Variants in RETREG1 observed in about 807,000 individuals in gnomAD.
RETREG1 encodes family with sequence similarity 134 member B.
Under a neutral mutation model 54.8 loss-of-function variants are expected in RETREG1, and 44 were observed. That is an observed-to-expected ratio of 0.80 (90% confidence interval 0.63 to 1.03). The LOEUF (loss-of-function observed/expected upper bound fraction) is 1.03, where lower values mean the gene tolerates loss of function less well. RETREG1 is among the 50% of genes least tolerant of loss of function. RETREG1 has a pLI of 0.00. For synonymous variants in RETREG1, 217 were observed against 238.5 expected, an observed-to-expected ratio of 0.91 and a Z score of 0.83; for missense variants, 554 against 605.1, an observed-to-expected ratio of 0.92 and a Z score of 0.89.
intron 2 of RETREG1, among the ~76,000 whole-genome samples, chr5:16,571,371 A>T (rs1742168492): frequency 6.6e-6 from 1 of 152,142 alleles, no homozygotes. Flanking sequence ...GGGCTTAATT[A>T]TTCTCAGGAG....
intron 3 of RETREG1, among the ~76,000 whole-genome samples, chr5:16,548,766 C>G (rs1741454529): frequency 1.3e-5 from 2 of 152,206 alleles, no homozygotes. Flanking sequence ...TCTGGATTCT[C>G]TCCTTCTATA....
chr5:16,542,339 T>G (rs946123755), intron 3 of RETREG1, among the ~76,000 whole-genome samples: 6 of 152,364 alleles, frequency 3.9e-5, no homozygotes, highest in African/African-American at 1.4e-4. Context: ...GAGGGGAGGT[T>G]ACAGCATGTA....
intron 1 of RETREG1, among the ~76,000 whole-genome samples, chr5:16,578,312 A>G (rs1433082067): frequency 1.3e-5 from 2 of 152,270 alleles, no homozygotes; most frequent in East Asian, 3.8e-4. Context: ...TCTCTTGAAC[A>G]CGGTTACAAT....
At chr5:16,530,003 C>T (rs1317458425) in intron 3 of RETREG1, among the ~76,000 whole-genome samples, 3 of 152,180 alleles carry the variant, frequency 2.0e-5, no homozygotes, top group African/African-American at 7.2e-5. Flanking sequence ...TCTCCCAACC[C>T]CGGGAGGCCA....
At position 16,479,063 on chromosome 5, in the gene RETREG1, T is replaced by C. The variant is rs1738659198; in HGVS notation, c.671-76A>G. On this transcript the variant is annotated intron_variant, in intron 5 of 8. Transcript: ENST00000306320. ...ACGTACATTTCAGTATTTCACAAAA[T>C]ACTACATTTCTTTACTGAAAAACTT... is the stretch of plus-strand genomic sequence containing the variant. 7 of 1,406,690 alleles carry C rather than the reference T, an allele frequency of 5.0e-6. No homozygotes were observed. In the South Asian group the frequency reaches 6.1e-5, roughly 12 times the overall value. The allele number at this position is 1,406,690 out of a possible 1,614,324, so 87.1% of individuals were successfully genotyped here. A position where few individuals can be genotyped will look rare whatever the true frequency, so the allele number is the denominator to read the frequency against.
At chr5:16,509,823 C>G (rs1021357944) in intron 3 of RETREG1, among the ~76,000 whole-genome samples, 6 of 152,002 alleles carry the variant, frequency 3.9e-5, no homozygotes, top group African/African-American at 7.3e-5. Flanking sequence ...ACAATGAGAC[C>G]CCATCTCTAC....
chr5:16,533,202 A>G (rs750797529), intron 3 of RETREG1, among the ~76,000 whole-genome samples: 13 of 151,694 alleles, frequency 8.6e-5, no homozygotes, highest in Non-Finnish European at 1.8e-4. Context: ...CCGCCACCAC[A>G]CCCAGCTAAT....
intron 5 of RETREG1, among the ~76,000 whole-genome samples, 170 bp from the exon 6 acceptor site, chr5:16,479,157 C>T (rs1399480262): frequency 6.6e-6 from 1 of 151,944 alleles, no homozygotes; most frequent in African/African-American, 2.4e-5. Flanking sequence ...GTAAGGTAAA[C>T]ATTTTCTGCC....
At chr5:16,482,504 G>C (rs1488507788) in intron 4 of RETREG1, among the ~76,000 whole-genome samples, 8 of 150,858 alleles carry the variant, frequency 5.3e-5, no homozygotes, top group African/African-American at 1.9e-4. Flanking sequence ...ATGCAATACT[G>C]CCACTTTAAT....
At chr5:16,538,172 A>G (rs1048588999) in intron 3 of RETREG1, among the ~76,000 whole-genome samples, 1 of 152,134 alleles carries the variant, frequency 6.6e-6, no homozygotes, top group African/African-American at 2.4e-5. Flanking sequence ...CCCACCTGCC[A>G]CAGCTAAATC....
chr5:16,603,453 T>G (rs1743099955), intron 1 of RETREG1, among the ~76,000 whole-genome samples: 1 of 152,148 alleles, frequency 6.6e-6, no homozygotes, highest in Non-Finnish European at 1.5e-5. Flanking sequence ...GAGTCTAGGC[T>G]GGGGACAACC....
chr5:16,478,756 TA>T, intron 6 of RETREG1, 93 bp downstream of exon 6: 1 of 1,198,864 alleles, frequency 8.3e-7, no homozygotes. Context: ...AGTAAAAAGC[TA>T]AAAGTATCCT....
At chr5:16,607,460 A>T (rs539423507) in intron 1 of RETREG1, among the ~76,000 whole-genome samples, 14 of 152,180 alleles carry the variant, frequency 9.2e-5, no homozygotes, top group Admixed American at 8.5e-4. Flanking sequence ...CTAAAAATAC[A>T]AAAATTAGCT....
intron 1 of RETREG1, among the ~76,000 whole-genome samples, chr5:16,613,735 CCA>C (rs1025990273): frequency 6.6e-6 from 1 of 152,054 alleles, no homozygotes; most frequent in African/African-American, 2.4e-5. Flanking sequence ...GTTGGGTTCC[CCA>C]CAGTTTTAAA....
intron 5 of RETREG1, among the ~76,000 whole-genome samples, chr5:16,479,979 G>A (rs1238748896): frequency 1.3e-5 from 2 of 151,940 alleles, no homozygotes; most frequent in African/African-American, 4.8e-5. Context: ...GGTGGTCATT[G>A]ATGTATAATA....
At position 16,549,617 on chromosome 5, in the gene RETREG1, C is replaced by T. The variant is rs145584431; in HGVS notation, c.458+16146G>A. Among the ~76,000 whole-genome samples, 889 of 152,290 alleles carry T rather than the reference C, an allele frequency of 5.8e-3. 6 individuals carry two copies. The highest frequency in any genetic ancestry group is 0.021 in the African/African-American group (855 of 41,552). ...TTCATTATATATTCCAAGCATGATA[C>T]ATCCATTAAAATCCCTTGGAAGCAA... On this transcript the variant is annotated intron_variant, in intron 3 of 8. Transcript: ENST00000306320.
chr5:16,577,848 T>C (rs908629630), intron 1 of RETREG1, among the ~76,000 whole-genome samples: 1 of 152,200 alleles, frequency 6.6e-6, no homozygotes. Flanking sequence ...TCATTCTCTC[T>C]TGCCTGCCAC....
At chr5:16,530,993 G>A (rs1404632417) in intron 3 of RETREG1, among the ~76,000 whole-genome samples, 1 of 152,156 alleles carries the variant, frequency 6.6e-6, no homozygotes, top group African/African-American at 2.4e-5. Context: ...ATGAAAAAGG[G>A]GAGAATAAGG....
rs187022530 is a variant in RETREG1 at position 16,565,405 on chromosome 5, G to A, written c.458+358C>T. On this transcript the variant is annotated intron_variant, in intron 3 of 8. Coordinates refer to ENST00000306320, the MANE Select transcript of RETREG1 (RefSeq NM_001034850.3). ...CATTCCAGCAGCCTTCTCCAACTGAGTGCATGCAGCCCTGTTCTCCCAATA... is the reference window on the plus strand; with the variant it reads ...CATTCCAGCAGCCTTCTCCAACTGAATGCATGCAGCCCTGTTCTCCCAATA... Among the ~76,000 whole-genome samples the A allele has an allele frequency of 2.0e-3, 299 of 152,220 alleles. 1 individual carries two copies. Among genetic ancestry groups the A allele is most frequent in the Non-Finnish European group, 2.9e-3 (194 of 68,014 alleles).
Sources: gnomAD v4.1 joint callset for allele counts (sites outside exome capture counted in the v4.1 genomes callset) on GRCh38, gnomAD v4.1.1 for gene constraint, MANE v1.5 for transcripts, NCBI Gene and HGNC (gene_info 2026-07-23, HGNC 2026-07-21) for gene names.